ERCC1: variants seen among roughly 807,000 people sequenced by gnomAD.
ERCC1 encodes the protein ERCC excision repair 1, endonuclease non-catalytic subunit.
A neutral mutation model predicts 37.6 loss-of-function variants in ERCC1; 36 were observed. That is an observed-to-expected ratio of 0.96 (90% CI 0.73 to 1.26). The LOEUF (loss-of-function observed/expected upper bound fraction) is 1.26. ERCC1 is among the 50% of genes most tolerant of loss of function. The pLI, the probability that ERCC1 is intolerant of heterozygous loss-of-function variation, is 0.00. For synonymous variants in ERCC1, 156 were observed against 162.1 expected (o/e 0.96, Z 0.28); for missense variants, 349 against 376.5 (o/e 0.93, Z 0.60).
intron 1 of ERCC1, among the ~76,000 whole-genome samples, chr19:45,441,045 A>G (rs1186827211): frequency 6.6e-6 from 1 of 152,222 alleles, no homozygotes; most frequent in African/African-American, 2.4e-5. Flanking sequence ...GCCCGCCTCC[A>G]CTAAGATTCT....
chr19:45,409,877 GTTATTATTA>G (rs1243917856), intron 9 of ERCC1, 152 bp from the exon 10 acceptor site: 1 of 255,632 alleles, frequency 3.9e-6, no homozygotes, highest in Non-Finnish European at 6.9e-6. Flanking sequence ...ATCTTTTTAA[GTTATTATTA>G]TTATTATTAT....
chr19:45,441,585 G>A (rs1975120023), intron 1 of ERCC1, among the ~76,000 whole-genome samples: 1 of 152,118 alleles, frequency 6.6e-6, no homozygotes, highest in African/African-American at 2.4e-5. Flanking sequence ...ATGTTGTCCA[G>A]GCTGGTCTCA....
Position 45,408,997 on chromosome 19 carries a change from G to T in ERCC1, c.*678C>A. On this transcript the variant is annotated 3_prime_UTR_variant, in exon 10 of 10. Transcript: ENST00000300853. ...GACAGATGGCAATGATGGAGCCAGGGACGGAGGCGATGGAGCCAGTGGAGC... is the reference window on the plus strand; with the variant it reads ...GACAGATGGCAATGATGGAGCCAGGTACGGAGGCGATGGAGCCAGTGGAGC... The T allele has an allele frequency of 6.2e-7, 1 of 1,614,118 alleles. No individual in the cohort carries two copies. Among genetic ancestry groups the T allele is most frequent in the South Asian group, 1.1e-5 (1 of 91,086 alleles).
Position 45,407,573 on chromosome 19 carries a change from G to A in ERCC1, c.*2102C>T, listed in dbSNP as rs1973421365. 3.2e-6 allele frequency: 1 copy of A among 309,020 alleles called. No homozygotes were observed. 19.1% of individuals were successfully genotyped at this position (309,020 alleles called of 1,614,324 possible). A position where few individuals can be genotyped will look rare whatever the true frequency, so the allele number is the denominator to read the frequency against. On this transcript the variant is annotated 3_prime_UTR_variant, in exon 10 of 10. Transcript: ENST00000300853. ...TCATTTATGTTATATTTAAGTAATG[G>A]GGGCTGCATTCTTAGGACATTTGGA... is the stretch of plus-strand genomic sequence containing the variant.
At chr19:45,441,649 A>G (rs1057297300) in intron 1 of ERCC1, among the ~76,000 whole-genome samples, 5 of 151,706 alleles carry the variant, frequency 3.3e-5, no homozygotes, top group Non-Finnish European at 1.5e-5. Flanking sequence ...TGCCGGGATT[A>G]CAGGCGTAAG....
At chr19:45,416,733 A>C (rs1974091501) in intron 6 of ERCC1, 88 bp downstream of exon 6, 1 of 951,148 alleles carries the variant, frequency 1.1e-6, no homozygotes, top group South Asian at 1.3e-5. Flanking sequence ...CACAGGAAGG[A>C]GAAGGGAAGG....
intron 9 of ERCC1, 168 bp from the exon 10 acceptor site, chr19:45,409,893 TTA>T (rs1470446982): frequency 1.1e-3 from 214 of 194,238 alleles, no homozygotes; most frequent in South Asian, 1.3e-3. Flanking sequence ...ATTATTATTA[TTA>T]TTTTTTTTTT....
chr19:45,435,473 T>C (rs1599858083), intron 1 of ERCC1, among the ~76,000 whole-genome samples: 1 of 152,212 alleles, frequency 6.6e-6, no homozygotes, highest in Non-Finnish European at 1.5e-5. Context: ...CTGGCCTTTT[T>C]GTTTTTGTTT....
chr19:45,424,976 G>T (rs1344631378), upstream of ERCC1, among the ~76,000 whole-genome samples: 1 of 143,946 alleles, frequency 6.9e-6, no homozygotes, highest in Non-Finnish European at 1.5e-5. Context: ...AGGCTGGAGT[G>T]CAATGGCGCG....
intron 1 of ERCC1, 66 bp from the exon 2 acceptor site, chr19:45,423,447 C>A (rs1974563348): frequency 1.3e-6 from 2 of 1,520,504 alleles, no homozygotes; most frequent in South Asian, 2.4e-5. Flanking sequence ...GCAGCAGGAA[C>A]CCCCCACTCA....
At chr19:45,422,641 C>T (rs1974507710) in intron 2 of ERCC1, among the ~76,000 whole-genome samples, 1 of 152,078 alleles carries the variant, frequency 6.6e-6, no homozygotes, top group South Asian at 2.1e-4. Context: ...CCTGTAATCC[C>T]AGTTACTCGG....
chr19:45,408,613 G>GA lies in ERCC1; in HGVS notation c.*1061dup, dbSNP rs753626854. On this transcript the variant is annotated 3_prime_UTR_variant, in exon 10 of 10. Coordinates refer to ENST00000300853, the MANE Select transcript of ERCC1 (RefSeq NM_001983.4). Reference sequence around the variant, plus strand: ...AAATGGATGTGCGGAAGAAGAAGAAGAAAAAAAATCAGCAGCTGAAAGAAC... The same window carrying GA: ...AAATGGATGTGCGGAAGAAGAAGAAGAAAAAAAAATCAGCAGCTGAAAGAAC... The GA allele has an allele frequency of 5.0e-6, 8 of 1,613,254 alleles. No homozygotes were observed. Among genetic ancestry groups the GA allele is most frequent in the South Asian group, 1.1e-5 (1 of 91,038 alleles).
intron 7 of ERCC1, 47 bp downstream of exon 7, chr19:45,414,814 G>A: frequency 7.4e-7 from 1 of 1,343,718 alleles, no homozygotes. Flanking sequence ...AACCACCCAG[G>A]AGCTGCGGGG....
At chr19:45,427,645 C>T (rs966602879), upstream of ERCC1, among the ~76,000 whole-genome samples, 1 of 152,122 alleles carries the variant, frequency 6.6e-6, no homozygotes. Context: ...ATGAAATATG[C>T]CTCTGTATCC....
At position 45,407,786 on chromosome 19, in the gene ERCC1, G is replaced by C; in HGVS notation, c.*1889C>G. ...AAAAACCAGAGGCCAGCCAGGCGCA[G>C]TGGCTGGTGCCTGTAATCCCATCCT... On this transcript the variant is annotated 3_prime_UTR_variant, in exon 10 of 10. Transcript: ENST00000300853. 3.9e-6 allele frequency: 1 copy of C among 258,160 alleles called. No homozygotes were observed. The highest frequency in any genetic ancestry group is 7.4e-6 in the Non-Finnish European group (1 of 135,096). 16.0% of individuals were successfully genotyped at this position (258,160 alleles called of 1,614,324 possible). A position where few individuals can be genotyped will look rare whatever the true frequency, so the allele number is the denominator to read the frequency against.
upstream of ERCC1, among the ~76,000 whole-genome samples, chr19:45,426,371 T>A (rs1974691004): frequency 3.1e-5 from 3 of 97,798 alleles, no homozygotes; most frequent in Admixed American, 2.5e-4. Flanking sequence ...AGAGCCAGAC[T>A]CTGTCTCAAA....
chr19:45,423,757 A>C (rs1599845077), intron 1 of ERCC1, 24 bp downstream of exon 1: 1 of 1,140,432 alleles, frequency 8.8e-7, no homozygotes, highest in Non-Finnish European at 1.1e-6. Flanking sequence ...GCCAATCTCC[A>C]CCCGCAGTCT....
intron 9 of ERCC1, among the ~76,000 whole-genome samples, chr19:45,411,784 A>T (rs1188192640): frequency 1.3e-5 from 2 of 151,482 alleles, no homozygotes; most frequent in Non-Finnish European, 2.9e-5. Context: ...ACAGAGTGAG[A>T]CTCCATCTCA....
chr19:45,409,748 TGAG>T (rs1196188149), intron 9 of ERCC1, 23 bp from the exon 10 acceptor site: 1 of 785,650 alleles, frequency 1.3e-6, no homozygotes, highest in African/African-American at 1.7e-5. Context: ...GAGAAAAAAA[TGAG>T]GAACCAGTCA....
Sources: gnomAD v4.1 joint callset for allele counts (sites outside exome capture counted in the v4.1 genomes callset) on GRCh38, gnomAD v4.1.1 for gene constraint, MANE v1.5 for transcripts, NCBI Gene and HGNC (gene_info 2026-07-23, HGNC 2026-07-21) for gene names.